EIF3A: variants seen among roughly 807,000 people sequenced by gnomAD.
The protein encoded by EIF3A is eukaryotic translation initiation factor 3 subunit A, also known as EIF3, p180 subunit.
Under a neutral mutation model 186.6 loss-of-function variants are expected in EIF3A, and 21 were observed. That is an observed-to-expected ratio of 0.11 (90% CI 0.08 to 0.16). EIF3A has a LOEUF of 0.16. Among genes scored for constraint, EIF3A ranks in the 10% least tolerant of loss-of-function variants. EIF3A has a pLI of 1.00. For missense variants in EIF3A, 1,306 were observed against 1,796.3 expected, an observed-to-expected ratio of 0.73 and a Z score of 4.93; for synonymous variants, 563 against 584.3, an observed-to-expected ratio of 0.96 and a Z score of 0.52.
chr10:119,055,581 T>C (rs1235884080), intron 14 of EIF3A, among the ~76,000 whole-genome samples: 1 of 151,508 alleles, frequency 6.6e-6, no homozygotes, highest in Non-Finnish European at 1.5e-5. Flanking sequence ...ATAATAATAA[T>C]ATGGGGGGCT....
At position 119,042,672 on chromosome 10, in the gene EIF3A, G is replaced by A; in HGVS notation, c.2848C>T (p.Leu950Phe). ...GGAACCCGATCATCGTCTGGTCTAA[G>A]AGAGGGCTCTCTATCTTCATCATCC... is the stretch of plus-strand genomic sequence containing the variant. ...LGDDEDREPS[L>F]RPDDDRVPRR... The change falls in exon 19 of 22, where the codon CTT (leucine) becomes TTT (phenylalanine). Residue 950 changes from leucine (L) to phenylalanine (F), a missense_variant. Leu to Phe is a conservative substitution (Grantham distance 22). Coordinates refer to ENST00000369144, the MANE Select transcript of EIF3A (RefSeq NM_003750.4). The surrounding 1 kb of genome is among the most constrained non-coding windows in gnomAD (Gnocchi z 7.8). 1 of 1,614,168 alleles carries A rather than the reference G, an allele frequency of 6.2e-7. No homozygotes were observed. Among genetic ancestry groups the A allele is most frequent in the Non-Finnish European group, 8.5e-7 (1 of 1,180,036 alleles).
At chr10:119,079,840 C>T (rs553647345) in intron 1 of EIF3A, among the ~76,000 whole-genome samples, 45 of 152,274 alleles carry the variant, frequency 3.0e-4, no homozygotes, top group African/African-American at 1.0e-3. Context: ...TCAACAACTC[C>T]CGGAGTGACC....
intron 14 of EIF3A, among the ~76,000 whole-genome samples, chr10:119,053,895 A>ATAC (rs1848391423): frequency 6.6e-6 from 1 of 152,202 alleles, no homozygotes. Context: ...TGCTAGCTTC[A>ATAC]TACTTTTCTT....
intron 9 of EIF3A, 149 bp downstream of exon 9, chr10:119,060,597 T>C: frequency 1.8e-6 from 1 of 548,868 alleles, no homozygotes; most frequent in Non-Finnish European, 3.2e-6. Flanking sequence ...ATAATAATTC[T>C]GATTTTCAAA....
chr10:119,068,652 G>T (rs9732571), intron 6 of EIF3A, among the ~76,000 whole-genome samples: 2 of 148,700 alleles, frequency 1.3e-5, no homozygotes, highest in African/African-American at 5.0e-5. Flanking sequence ...CGATAAGAGC[G>T]AAGGCTCTGT....
chr10:119,075,332 T>C (rs922207686), intron 1 of EIF3A, among the ~76,000 whole-genome samples: 2 of 152,122 alleles, frequency 1.3e-5, no homozygotes, highest in Non-Finnish European at 2.9e-5. Flanking sequence ...CAAAACCCAG[T>C]TCCAATTTTA....
intron 1 of EIF3A, among the ~76,000 whole-genome samples, chr10:119,075,848 G>GCTCA (rs1844162338): frequency 6.9e-6 from 1 of 144,438 alleles, no homozygotes. Context: ...TGAGTCGCTG[G>GCTCA]GACTACGGAG....
intron 1 of EIF3A, among the ~76,000 whole-genome samples, chr10:119,078,631 C>A (rs1052929317): frequency 1.3e-5 from 2 of 152,060 alleles, no homozygotes; most frequent in Non-Finnish European, 2.9e-5. Flanking sequence ...ACGCATGCAT[C>A]CCCATCCAAC....
In EIF3A at chr10:119,065,616, T is replaced by C; in HGVS notation, c.951-46A>G. 3 of 1,402,688 alleles carry C rather than the reference T, an allele frequency of 2.1e-6. No individual in the cohort carries two copies. The South Asian group carries it at 3.6e-5, about 17-fold the overall frequency. 86.9% of individuals were successfully genotyped at this position (1,402,688 alleles called of 1,614,324 possible). A position where few individuals can be genotyped will look rare whatever the true frequency, so the allele number is the denominator to read the frequency against. On this transcript the variant is annotated intron_variant, in intron 6 of 21. Transcript: ENST00000369144. ...AATCTGTTAGGTTTGTAAATGATAC[T>C]TGGTAAGCAGAAAAGCACTTCTCTT...
intron 19 of EIF3A, among the ~76,000 whole-genome samples, chr10:119,038,730 C>A (rs1476611550): frequency 6.6e-6 from 1 of 152,090 alleles, no homozygotes; most frequent in African/African-American, 2.4e-5. Flanking sequence ...TCGAGACCAG[C>A]CTGGCCAACA....
rs1294517015 is a variant in EIF3A at position 119,050,444 on chromosome 10, T to C, written c.2473+77A>G. On this transcript the variant is annotated intron_variant, in intron 16 of 21. Transcript: ENST00000369144. ...CAATTACCTTGATTCCTGTATTTTC[T>C]ACATAAGATCACTAAAAACTAGATC... 4 of 1,415,688 alleles carry C rather than the reference T, an allele frequency of 2.8e-6. No homozygotes were observed. The African/African-American group carries it at 4.3e-5, about 15-fold the overall frequency. The allele number at this position is 1,415,688 out of a possible 1,614,324, so 87.7% of individuals were successfully genotyped here.
At chr10:119,076,558 C>T (rs568332822) in intron 1 of EIF3A, among the ~76,000 whole-genome samples, 177 of 101,346 alleles carry the variant, frequency 1.7e-3, no homozygotes, top group Non-Finnish European at 2.2e-3. Flanking sequence ...TAAGCCTTTC[C>T]TTGTTGTCAG....
chr10:119,065,958 T>A (rs1843968855), intron 6 of EIF3A, among the ~76,000 whole-genome samples: 1 of 151,358 alleles, frequency 6.6e-6, no homozygotes. Context: ...CTACTAAAAA[T>A]ACAAAAAATT....
intron 1 of EIF3A, among the ~76,000 whole-genome samples, chr10:119,075,475 G>A (rs1358493455): frequency 6.6e-6 from 1 of 151,176 alleles, no homozygotes; most frequent in African/African-American, 2.4e-5. Flanking sequence ...TTAATAGACT[G>A]GGGGAGAAAG....
chr10:119,056,262 C>G (rs968490202), intron 14 of EIF3A, among the ~76,000 whole-genome samples: 2 of 152,094 alleles, frequency 1.3e-5, no homozygotes, highest in African/African-American at 4.8e-5. Flanking sequence ...AAAGACAACA[C>G]AGTACACAAT....
chr10:119,035,025 C>G lies in EIF3A; in HGVS notation c.*1014G>C, dbSNP rs2119816674. On this transcript the variant is annotated 3_prime_UTR_variant, in exon 22 of 22. Coordinates refer to ENST00000369144, the MANE Select transcript of EIF3A (RefSeq NM_003750.4). Reference sequence around the variant, plus strand: ...CATTATAAACAAAATACTATAACCACAAATCAACACTAAAACAAATTCTGT... The same window carrying G: ...CATTATAAACAAAATACTATAACCAGAAATCAACACTAAAACAAATTCTGT... 1 of 152,694 alleles carries G rather than the reference C, an allele frequency of 6.5e-6. No individual in the cohort carries two copies. The highest frequency in any genetic ancestry group is 1.9e-4 in the East Asian group (1 of 5,190). 9.5% of individuals were successfully genotyped at this position (152,694 alleles called of 1,614,324 possible).
At chr10:119,036,386 A>G in intron 21 of EIF3A, 118 bp from the exon 22 acceptor site, 1 of 637,694 alleles carries the variant, frequency 1.6e-6, no homozygotes, top group East Asian at 2.8e-5. Flanking sequence ...AAATACAGAA[A>G]TTCTGTTAAA....
chr10:119,035,908 T>G lies in EIF3A; in HGVS notation c.*131A>C, dbSNP rs1848121110. On this transcript the variant is annotated 3_prime_UTR_variant, in exon 22 of 22. Coordinates refer to ENST00000369144, the MANE Select transcript of EIF3A (RefSeq NM_003750.4). ...ATCTATTATATAGGATTAATACAAG[T>G]TCATGCTTTTTGTGTTATGGTGAAA... The G allele has an allele frequency of 5.8e-6, 4 of 693,652 alleles. No homozygotes were observed. Among genetic ancestry groups the G allele is most frequent in the Non-Finnish European group, 9.8e-6 (4 of 406,202 alleles). The allele number at this position is 693,652 out of a possible 1,614,324, so 43.0% of individuals were successfully genotyped here.
chr10:119,074,203 T>C lies in EIF3A; in HGVS notation c.50-266A>G, dbSNP rs550658754. 3.3e-5 allele frequency among the ~76,000 whole-genome samples: 5 copies of C among 152,314 alleles called. No homozygotes were observed. The East Asian group carries it at 9.6e-4, about 29-fold the overall frequency. The stretch of plus-strand genomic sequence containing the variant: ...GTTCCAGGCCGGGCGCAGTGGCTCA[T>C]GCCTGTAATCCTAGCAATTTGAGAG... On this transcript the variant is annotated intron_variant, in intron 1 of 21. Coordinates refer to ENST00000369144, the MANE Select transcript of EIF3A (RefSeq NM_003750.4).
Sources: gnomAD v4.1 joint callset for allele counts (sites outside exome capture counted in the v4.1 genomes callset) on GRCh38, gnomAD v4.1.1 for gene constraint, Gnocchi (gnomAD v3.1) non-coding constraint, MANE v1.5 for transcripts, NCBI Gene and HGNC (gene_info 2026-07-23, HGNC 2026-07-21) for gene names.